The following DYNC2I1 variants were observed in gnomAD, a reference collection of about 807,000 sequenced individuals.
DYNC2I1 encodes dynein 2 intermediate chain 1, also known as cytoplasmic dynein 2 intermediate chain 1.
Under a neutral mutation model 133.4 loss-of-function variants are expected in DYNC2I1, and 89 were observed. The ratio of observed to expected loss-of-function variants is 0.67; its 90% CI spans 0.56 to 0.80. The LOEUF is 0.80. Among genes scored for constraint, DYNC2I1 ranks in the 30% least tolerant of loss-of-function variants. The pLI is 0.00. For missense variants in DYNC2I1, 1,291 were observed against 1,314.5 expected (o/e 0.98, Z 0.28); for synonymous variants, 504 against 484.3 (o/e 1.04, Z -0.54).
At chr7:158,860,065 T>G (rs115804187) in intron 1 of DYNC2I1, among the ~76,000 whole-genome samples, 9,423 of 151,992 alleles carry the variant, frequency 0.062, 384 homozygotes, top group African/African-American at 0.11. Context: ...AGTTTTTTTT[T>G]TTTTTTGGAG....
chr7:158,882,626 A>C (rs1298499746), intron 5 of DYNC2I1, among the ~76,000 whole-genome samples: 2 of 152,218 alleles, frequency 1.3e-5, no homozygotes, highest in East Asian at 3.9e-4. Flanking sequence ...TAATCCTAGC[A>C]CTTTGGGAGG....
chr7:158,879,325 C>T (rs1291023652), intron 4 of DYNC2I1, among the ~76,000 whole-genome samples: 2 of 151,998 alleles, frequency 1.3e-5, no homozygotes, highest in Non-Finnish European at 2.9e-5. Context: ...CCCTTGGTAT[C>T]CATGGGAGAA....
At chr7:158,919,208 T>A (rs1848770433) in intron 15 of DYNC2I1, among the ~76,000 whole-genome samples, 1 of 152,252 alleles carries the variant, frequency 6.6e-6, no homozygotes, top group African/African-American at 2.4e-5. Flanking sequence ...TTTCTTGAGA[T>A]AGAGTAGTAG....
At position 158,951,485 on chromosome 7, in the gene DYNC2I1, G is replaced by A. The variant is rs533824274; in HGVS notation, c.*57-5098G>A. 5.3e-5 allele frequency among the ~76,000 whole-genome samples: 8 copies of A among 152,354 alleles called. No homozygotes were observed. In the South Asian group the frequency reaches 6.2e-4, roughly 12 times the overall value. On this transcript the variant is annotated intron_variant and NMD_transcript_variant, in intron 4 of 4. Coordinates refer to the DYNC2I1 transcript ENST00000454771. ...GCCTGGAGGTGCAGGTGCTGGGAGC[G>A]TGAGCTGGAGGCCCAGGGCCACAAG... is the stretch of plus-strand genomic sequence containing the variant.
At chr7:158,842,044 T>A in the DYNC2I1 span, among the ~76,000 whole-genome samples, 1 of 152,174 alleles carries the variant, frequency 6.6e-6, no homozygotes, top group Non-Finnish European at 1.5e-5. Context: ...GTTTGTTTGT[T>A]TTGAGACGGA....
At chr7:158,872,618 C>T (rs555953777) in intron 3 of DYNC2I1, among the ~76,000 whole-genome samples, 16 of 151,724 alleles carry the variant, frequency 1.1e-4, no homozygotes, top group Non-Finnish European at 2.4e-4. Context: ...CAGAGCGAGA[C>T]TCTGTCTCTA....
intron 3 of DYNC2I1, among the ~76,000 whole-genome samples, chr7:158,875,157 G>A (rs931538624): frequency 2.9e-5 from 4 of 136,622 alleles, no homozygotes; most frequent in Admixed American, 8.3e-5. Flanking sequence ...GTGCAGTGTT[G>A]CAGTCTTGGC....
intron 4 of DYNC2I1, among the ~76,000 whole-genome samples, chr7:158,878,719 A>ATC (rs1843658626): frequency 1.5e-5 from 2 of 137,030 alleles, no homozygotes; most frequent in Non-Finnish European, 3.1e-5. Context: ...TGGGGAGGCG[A>ATC]GGAGGGCAGA....
intron 14 of DYNC2I1, among the ~76,000 whole-genome samples, chr7:158,915,286 G>C (rs141479488): frequency 0.025 from 2,211 of 87,982 alleles, 33 homozygotes; most frequent in African/African-American, 0.096. Flanking sequence ...CGGTGGTTGA[G>C]ATTAAGGATG....
intron 2 of DYNC2I1, 47 bp downstream of exon 2, chr7:158,869,955 G>A (rs368483821): frequency 1.2e-5 from 19 of 1,551,150 alleles, no homozygotes; most frequent in East Asian, 9.0e-5. Flanking sequence ...GGACTCGTGT[G>A]GTTTTCTTGG....
In DYNC2I1 at chr7:158,938,573, A is replaced by G. The variant is rs548182954; in HGVS notation, c.2779-3352A>G. 7.9e-5 allele frequency among the ~76,000 whole-genome samples: 12 copies of G among 152,308 alleles called. 1 individual carries two copies. Among genetic ancestry groups the G allele is most frequent in the Admixed American group, 7.2e-4 (11 of 15,294 alleles). The stretch of plus-strand genomic sequence containing the variant: ...GGAGTTCGAGACCAGCCTGGCCAAC[A>G]TGATGAAATATGTCTCTACTAAAAA... On this transcript the variant is annotated intron_variant, in intron 23 of 24. Transcript: ENST00000407559.
intron 21 of DYNC2I1, among the ~76,000 whole-genome samples, chr7:158,930,961 C>T (rs2129487572): frequency 6.6e-6 from 1 of 152,328 alleles, no homozygotes; most frequent in East Asian, 1.9e-4. Flanking sequence ...AGCCCCCACG[C>T]CCGGCCTTGT....
At position 158,856,627 on chromosome 7, in the gene DYNC2I1, G is replaced by C. The variant is rs959216807; in HGVS notation, c.-109G>C. 7 of 1,141,222 alleles carry C rather than the reference G, an allele frequency of 6.1e-6. No homozygotes were observed. The African/African-American group carries it at 9.6e-5, about 16-fold the overall frequency. The allele number at this position is 1,141,222 out of a possible 1,614,324, so 70.7% of individuals were successfully genotyped here. ...GCTGCTCCTGCTTGTCGGTTGCTAG[G>C]CGCTGGGACGCGCCTCCCGAAGGGT... On this transcript the variant is annotated 5_prime_UTR_variant, in exon 1 of 25. Coordinates refer to ENST00000407559, the MANE Select transcript of DYNC2I1 (RefSeq NM_018051.5).
intron 3 of DYNC2I1, 134 bp downstream of exon 3, chr7:158,871,696 G>A: frequency 9.2e-7 from 1 of 1,089,946 alleles, no homozygotes; most frequent in South Asian, 1.7e-5. Flanking sequence ...TTTCTGGACA[G>A]GGTCTTGCTC....
intron 11 of DYNC2I1, among the ~76,000 whole-genome samples, chr7:158,906,710 G>GGCCTCCCAAAGT (rs1416346607): frequency 6.6e-6 from 1 of 152,052 alleles, no homozygotes; most frequent in Non-Finnish European, 1.5e-5. Context: ...CACCTGCCTT[G>GGCCTCCCAAAGT]GCCTCCCAAA....
intron 8 of DYNC2I1, 79 bp downstream of exon 8, chr7:158,891,412 G>T: frequency 6.5e-7 from 1 of 1,528,236 alleles, no homozygotes. Context: ...TTTCCTGTCA[G>T]CATTTTGCTA....
chr7:158,909,128 C>G (rs1054718291), intron 11 of DYNC2I1, among the ~76,000 whole-genome samples: 15 of 151,620 alleles, frequency 9.9e-5, no homozygotes, highest in Non-Finnish European at 7.4e-5. Context: ...GTCAGGAGTT[C>G]GAGACCAGCC....
chr7:158,930,348 C>A, intron 20 of DYNC2I1, 107 bp from the exon 21 acceptor site: 1 of 983,268 alleles, frequency 1.0e-6, no homozygotes, highest in Non-Finnish European at 1.6e-6. Flanking sequence ...GATGTTATTT[C>A]CTAACACAGA....
chr7:158,913,716 A>T (rs6948840), intron 13 of DYNC2I1, among the ~76,000 whole-genome samples: 37,846 of 150,590 alleles, frequency 0.25, 6,346 homozygotes, highest in East Asian at 0.64. Flanking sequence ...TTGAAAAAAA[A>T]TTTTTTTTTT....
Sources: allele counts gnomAD v4.1 joint callset (sites outside exome capture counted in the v4.1 genomes callset), GRCh38; gene constraint gnomAD v4.1.1; transcripts MANE v1.5; gene names NCBI Gene and HGNC (gene_info 2026-07-23, HGNC 2026-07-21).